SGO1: variants seen among roughly 807,000 people sequenced by gnomAD.
SGO1 encodes serologically defined breast cancer antigen NY-BR-85.
SGO1 carries 39 observed loss-of-function variants against 50.5 expected under a neutral mutation model. The ratio of observed to expected loss-of-function variants is 0.77; its 90% CI spans 0.60 to 1.01. The LOEUF (loss-of-function observed/expected upper bound fraction) is 1.01, where lower values mean the gene tolerates loss of function less well. SGO1 is among the 50% of genes least tolerant of loss of function. SGO1 has a pLI of 0.00. For missense variants in SGO1, 638 were observed against 606.0 expected (o/e 1.05, Z -0.55); for synonymous variants, 191 against 205.1 (o/e 0.93, Z 0.59).
chr3:20,185,454 G>C (rs1304444966), intron 1 of SGO1, among the ~76,000 whole-genome samples: 1 of 152,096 alleles, frequency 6.6e-6, no homozygotes, highest in African/African-American at 2.4e-5. Context: ...AGCAAAGACA[G>C]ACCACAGCGC....
intron 3 of SGO1, among the ~76,000 whole-genome samples, chr3:20,180,883 T>C (rs962183600): frequency 3.3e-5 from 5 of 152,186 alleles, no homozygotes; most frequent in Non-Finnish European, 5.9e-5. Context: ...TCCCAGCACA[T>C]TGGGAGGCCA....
intron 4 of SGO1, 72 bp downstream of exon 4, chr3:20,178,199 C>A: frequency 9.3e-7 from 1 of 1,071,356 alleles, no homozygotes. Flanking sequence ...ATGCACATTT[C>A]CTTTCATAAA....
rs191299550 is a variant in SGO1 at position 20,179,981 on chromosome 3, G to T, written c.340-1634C>A. On this transcript the variant is annotated intron_variant, in intron 3 of 7. Transcript: ENST00000412997. ...CCTTGACATGCAGTGACAACAGAAT[G>T]GTAAGGATAAAATCTAGATTCAGAG... Among the ~76,000 whole-genome samples, 14 of 152,198 alleles carry T rather than the reference G, an allele frequency of 9.2e-5. No homozygotes were observed. The East Asian group carries it at 1.2e-3, about 13-fold the overall frequency.
chr3:20,185,054 A>C (rs1282428558), intron 1 of SGO1, among the ~76,000 whole-genome samples: 1 of 152,226 alleles, frequency 6.6e-6, no homozygotes, highest in Admixed American at 6.5e-5. Context: ...TATTTCCTCC[A>C]GGCCTTATTT....
chr3:20,163,682 A>G (rs181615184), intron 8 of SGO1, among the ~76,000 whole-genome samples: 18 of 152,296 alleles, frequency 1.2e-4, no homozygotes, highest in African/African-American at 4.1e-4. Context: ...ATCTTTGGGT[A>G]AACGCTGCAG....
Position 20,170,095 on chromosome 3 carries a change from T to C in SGO1, c.*609A>G, listed in dbSNP as rs1700557955. ...TATTTGAGTAATCATTATTCATTTC[T>C]ACAATGTTTGTATAAGATACATTTT... On this transcript the variant is annotated 3_prime_UTR_variant, in exon 8 of 8. Coordinates refer to ENST00000412997, the MANE Select transcript of SGO1 (RefSeq NM_001199251.3). 2.0e-6 allele frequency: 2 copies of C among 985,288 alleles called. No individual in the cohort carries two copies. The highest frequency in any genetic ancestry group is 9.4e-5 in the South Asian group (2 of 21,290). 61.0% of individuals were successfully genotyped at this position (985,288 alleles called of 1,614,324 possible).
chr3:20,161,223 G>A (rs199603756), exon 9 of SGO1: 58 of 1,582,182 alleles, frequency 3.7e-5, no homozygotes, highest in Non-Finnish European at 4.5e-5. Flanking sequence ...TACCTCCAGG[G>A]CTCCTGGTAA....
chr3:20,183,493 A>C (rs1702255875), intron 3 of SGO1, 115 bp downstream of exon 3: 1 of 889,094 alleles, frequency 1.1e-6, no homozygotes, highest in Non-Finnish European at 1.7e-6. Flanking sequence ...AGGATGTTTT[A>C]AACAATTCAT....
chr3:20,169,223 TA>T (rs1222880073), downstream of SGO1: 17 of 984,946 alleles, frequency 1.7e-5, no homozygotes, highest in Non-Finnish European at 2.0e-5. Flanking sequence ...TCAATAAAAT[TA>T]TAATTTGTTA....
At chr3:20,175,809 AT>A (rs1257711118) in intron 5 of SGO1, among the ~76,000 whole-genome samples, 2 of 151,326 alleles carry the variant, frequency 1.3e-5, no homozygotes, top group African/African-American at 4.9e-5. Context: ...AAAAAAAAAA[AT>A]TATAACAGGC....
At chr3:20,162,701 G>A (rs1358445337) in intron 8 of SGO1, among the ~76,000 whole-genome samples, 10 of 150,380 alleles carry the variant, frequency 6.6e-5, no homozygotes, top group Admixed American at 4.0e-4. Context: ...TAGTTATTCT[G>A]AACATTATAA....
chr3:20,169,693 G>A lies in SGO1; in HGVS notation c.*1011C>T, dbSNP rs1700524678. ...ATAAGGAGCTACCCTGAAAGTACAT[G>A]ACATTTGTAATTTTATGGAGACATC... On this transcript the variant is annotated 3_prime_UTR_variant, in exon 8 of 8. Transcript: ENST00000412997. 1.1e-6 allele frequency: 1 copy of A among 915,676 alleles called. No homozygotes were observed. Among genetic ancestry groups the A allele is most frequent in the African/African-American group, 1.8e-5 (1 of 55,646 alleles). 56.7% of individuals were successfully genotyped at this position (915,676 alleles called of 1,614,324 possible).
chr3:20,173,682 T>C (rs1701034205), intron 6 of SGO1, among the ~76,000 whole-genome samples: 2 of 152,228 alleles, frequency 1.3e-5, no homozygotes, highest in Admixed American at 1.3e-4. Context: ...ATGAGAATCT[T>C]TGTGGACAGG....
At position 20,183,731 on chromosome 3, in the gene SGO1, T is replaced by G; in HGVS notation, c.216A>C (p.Lys72Asn). 1 of 1,613,588 alleles carries G rather than the reference T, an allele frequency of 6.2e-7. No individual in the cohort carries two copies. Residue 72 changes from lysine (K) to asparagine (N), a missense_variant, in exon 3 of 8, where the codon AAA (lysine) becomes AAC (asparagine). By Grantham distance (94) the Lys-to-Asn change is moderately conservative. Transcript: ENST00000412997. ...KMLVLALENEKSKVKEAQDII... is the reference protein window; with the variant it reads ...KMLVLALENENSKVKEAQDII... ...TATCTTGGGCTTCTTTCACTTTGGA[T>G]TTTTCATTTTCCAAAGCTAAAACTA...
At chr3:20,176,504 G>T in intron 5 of SGO1, 97 bp downstream of exon 5, 1 of 774,422 alleles carries the variant, frequency 1.3e-6, no homozygotes, top group South Asian at 1.9e-5. Context: ...AATTTAAAAA[G>T]TTAAAAAAAA....
chr3:20,168,968 T>G (rs556942032), downstream of SGO1: 1 of 985,198 alleles, frequency 1.0e-6, no homozygotes, highest in East Asian at 1.1e-4. Context: ...TCTGTAGTCT[T>G]AGTTTAAGAT....
downstream of SGO1, among the ~76,000 whole-genome samples, chr3:20,165,867 C>T (rs1700272222): frequency 6.6e-6 from 1 of 152,100 alleles, no homozygotes; most frequent in African/African-American, 2.4e-5. Context: ...GCCTGGCCAA[C>T]ATGGTGAAAC....
chr3:20,175,952 T>C (rs1000614795), intron 5 of SGO1, among the ~76,000 whole-genome samples: 6 of 152,070 alleles, frequency 3.9e-5, no homozygotes, highest in African/African-American at 1.2e-4. Flanking sequence ...CTTTGAAAAA[T>C]AAATAAGATT....
At chr3:20,183,827 A>G in intron 2 of SGO1, 23 bp from the exon 3 acceptor site, 1 of 1,600,860 alleles carries the variant, frequency 6.2e-7, no homozygotes, top group Non-Finnish European at 8.5e-7. Context: ...AAAAAAATTT[A>G]TCAGTTATTA....
Sources: gnomAD v4.1 joint callset for allele counts (sites outside exome capture counted in the v4.1 genomes callset) on GRCh38, gnomAD v4.1.1 for gene constraint, MANE v1.5 for transcripts, NCBI Gene and HGNC (gene_info 2026-07-23, HGNC 2026-07-21) for gene names.